The following MORN4 variants were observed in gnomAD, a reference collection of about 807,000 sequenced individuals.
The protein encoded by MORN4 is MORN repeat containing 4, also known as MORN repeat-containing protein 4.
In MORN4, 8 loss-of-function variants were observed where a neutral mutation model predicts 16.4. The ratio of observed to expected loss-of-function variants is 0.49; its 90% CI spans 0.29 to 0.88. MORN4 has a LOEUF of 0.88. Ranked by LOEUF, MORN4 falls within the 40% of genes least tolerant of loss-of-function variation. The pLI, the probability that MORN4 is intolerant of heterozygous loss-of-function variation, is 0.09. For missense variants in MORN4, 159 were observed against 182.9 expected (o/e 0.87, Z 0.75); for synonymous variants, 53 against 68.9 (o/e 0.77, Z 1.14).
In MORN4 at chr10:97,616,105, TG is replaced by T; in HGVS notation, c.*157del. 1.5e-6 allele frequency: 1 copy of T among 669,670 alleles called. No homozygotes were observed. The highest frequency in any genetic ancestry group is 2.3e-6 in the Non-Finnish European group (1 of 429,680). The allele number at this position is 669,670 out of a possible 1,614,324, so 41.5% of individuals were successfully genotyped here. ...GGCCAGCATCCTCAGCACTTTTCTG[TG>T]GTCCAGTTCTGGAATGGCAGGTGAC... On this transcript the variant is annotated 3_prime_UTR_variant, in exon 5 of 5. Coordinates refer to ENST00000307450, the MANE Select transcript of MORN4 (RefSeq NM_178832.4).
intron 1 of MORN4, among the ~76,000 whole-genome samples, chr10:97,621,819 C>T (rs764620963): frequency 6.6e-6 from 1 of 151,868 alleles, no homozygotes; most frequent in Non-Finnish European, 1.5e-5. Flanking sequence ...AAGCCAAGAT[C>T]GCACCACTGC....
At position 97,633,376 on chromosome 10, in the gene MORN4, C is replaced by T; in HGVS notation, c.-60G>A. ...GGCCGGCCTTTCGGGATGACCGTCA[C>T]GCCTGGACGCAGGGTTCCAGCGCCT... On this transcript the variant is annotated 5_prime_UTR_variant, in exon 1 of 5. In the 5' UTR this introduces an upstream ATG that the reference lacks. Coordinates refer to ENST00000307450, the MANE Select transcript of MORN4 (RefSeq NM_178832.4). This position sits in a 1 kb window ranked among gnomAD's most constrained non-coding sequence, Gnocchi z 4.5. The T allele has an allele frequency of 7.8e-7, 1 of 1,289,886 alleles. No homozygotes were observed. Among genetic ancestry groups the T allele is most frequent in the Non-Finnish European group, 1.0e-6 (1 of 988,908 alleles). 79.9% of individuals were successfully genotyped at this position (1,289,886 alleles called of 1,614,324 possible).
chr10:97,619,800 A>T (rs1719314270), intron 1 of MORN4, 117 bp from the exon 2 acceptor site: 1 of 724,160 alleles, frequency 1.4e-6, no homozygotes, highest in South Asian at 1.8e-5. Flanking sequence ...ACACTGCCTT[A>T]GGTGCATTTA....
chr10:97,632,522 AT>A (rs978352495), intron 1 of MORN4, among the ~76,000 whole-genome samples: 33 of 151,086 alleles, frequency 2.2e-4, no homozygotes, highest in African/African-American at 5.8e-4. Flanking sequence ...CGGCCTAAAT[AT>A]TTTTTTTTAA....
chr10:97,627,215 C>T (rs2041356483), intron 1 of MORN4, among the ~76,000 whole-genome samples: 2 of 152,122 alleles, frequency 1.3e-5, no homozygotes, highest in Admixed American at 6.5e-5. Context: ...TCGATCTCAG[C>T]TCACTGCAAC....
intron 2 of MORN4, among the ~76,000 whole-genome samples, chr10:97,618,562 AGAG>A (rs1363383842): frequency 6.6e-6 from 1 of 152,030 alleles, no homozygotes; most frequent in Non-Finnish European, 1.5e-5. Flanking sequence ...GCGGACTGTT[AGAG>A]GAGAGACTTC....
rs189126983 is a variant in MORN4 at position 97,616,555 on chromosome 10, T to C, written c.292+123A>G. ...AGGAGTACTCTATTGATGAGTTCAA[T>C]GGATAGGTGTCAGGGACGGCCACTA... On this transcript the variant is annotated intron_variant, in intron 4 of 4. Transcript: ENST00000307450. 1.3e-5 allele frequency: 16 copies of C among 1,236,408 alleles called. No individual in the cohort carries two copies. In the East Asian group the frequency reaches 3.3e-4, roughly 25 times the overall value. 76.6% of individuals were successfully genotyped at this position (1,236,408 alleles called of 1,614,324 possible).
upstream of MORN4, among the ~76,000 whole-genome samples, chr10:97,634,061 T>C (rs546235312): frequency 1.4e-4 from 21 of 152,224 alleles, no homozygotes; most frequent in Middle Eastern, 3.4e-3. Context: ...GGCCGCGGCT[T>C]GAGCTCAGGA....
intron 1 of MORN4, among the ~76,000 whole-genome samples, chr10:97,626,239 TG>T (rs1344696685): frequency 6.6e-6 from 1 of 151,600 alleles, no homozygotes; most frequent in African/African-American, 2.4e-5. Flanking sequence ...TAGCCAGGCG[TG>T]GTGGCACATG....
intron 2 of MORN4, chr10:97,619,268 T>C (rs1159730000): frequency 4.8e-6 from 2 of 418,348 alleles, no homozygotes; most frequent in Non-Finnish European, 8.5e-6. Context: ...GAGGTTGCAG[T>C]GAGCTGAGAT....
intron 2 of MORN4, 84 bp downstream of exon 2, chr10:97,619,503 A>G (rs1245754262): frequency 3.2e-6 from 3 of 936,842 alleles, no homozygotes; most frequent in South Asian, 1.3e-5. Flanking sequence ...ATGAAGATCC[A>G]TAAAGTTGGC....
At chr10:97,616,922 A>C in intron 3 of MORN4, 135 bp from the exon 4 acceptor site, 1 of 678,348 alleles carries the variant, frequency 1.5e-6, no homozygotes, top group East Asian at 2.6e-5. Flanking sequence ...AGCTCCACCT[A>C]CCCCACCTAT....
intron 1 of MORN4, among the ~76,000 whole-genome samples, chr10:97,622,858 C>CATTTATTT (rs138978764): frequency 0.12 from 16,915 of 138,366 alleles, 1,447 homozygotes; most frequent in African/African-American, 0.22. Context: ...CTTCATCTTT[C>CATTTATTT]ATTTATTTAT....
chr10:97,619,638 C>T lies in MORN4; in HGVS notation c.16G>A (p.Gly6Ser). The T allele has an allele frequency of 6.2e-7, 1 of 1,614,078 alleles. No homozygotes were observed. The highest frequency in any genetic ancestry group is 8.5e-7 in the Non-Finnish European group (1 of 1,179,966). MTLTK[G>S]SFTYSSGEEY... ...TCCCCACTGGAGTAGGTGAAGGAACCTTTTGTCAGGGTCATGGTGACAGAT... is the reference window on the plus strand; with the variant it reads ...TCCCCACTGGAGTAGGTGAAGGAACTTTTTGTCAGGGTCATGGTGACAGAT... Residue 6 changes from glycine (G) to serine (S), a missense_variant, in exon 2 of 5, where the codon GGT becomes AGT. Coordinates refer to ENST00000307450, the MANE Select transcript of MORN4 (RefSeq NM_178832.4).
chr10:97,626,121 C>G (rs2041344128), intron 1 of MORN4, among the ~76,000 whole-genome samples: 1 of 151,236 alleles, frequency 6.6e-6, no homozygotes, highest in Non-Finnish European at 1.5e-5. Flanking sequence ...TGGCTCACGC[C>G]TGTAATCCCA....
chr10:97,626,525 G>A (rs1427069344), intron 1 of MORN4, among the ~76,000 whole-genome samples: 5 of 141,868 alleles, frequency 3.5e-5, no homozygotes, highest in African/African-American at 5.2e-5. Context: ...GTGCAATGTC[G>A]GCTCACTGCA....
chr10:97,629,123 C>G (rs144472830), intron 1 of MORN4, among the ~76,000 whole-genome samples: 1 of 152,238 alleles, frequency 6.6e-6, no homozygotes, highest in Non-Finnish European at 1.5e-5. Flanking sequence ...CGTGGTGGCT[C>G]ATGCCTGTAA....
intron 1 of MORN4, among the ~76,000 whole-genome samples, chr10:97,622,896 T>TTTATTTATTTAA (rs1394407993): frequency 1.0e-4 from 15 of 150,722 alleles, no homozygotes; most frequent in African/African-American, 3.7e-4. Context: ...TATTTATTTA[T>TTTATTTATTTAA]TTTTTAGAGA....
chr10:97,628,678 C>A (rs1009321332), intron 1 of MORN4, among the ~76,000 whole-genome samples: 5 of 152,012 alleles, frequency 3.3e-5, no homozygotes, highest in Non-Finnish European at 4.4e-5. Flanking sequence ...GGATTACAGG[C>A]GTGCCAGCAC....
Sources: gnomAD v4.1 joint callset for allele counts (sites outside exome capture counted in the v4.1 genomes callset) on GRCh38, gnomAD v4.1.1 for gene constraint, Gnocchi (gnomAD v3.1) non-coding constraint, MANE v1.5 for transcripts, NCBI Gene and HGNC (gene_info 2026-07-23, HGNC 2026-07-21) for gene names.